MAFK: variants seen among roughly 807,000 people sequenced by gnomAD.
MAFK encodes the protein transcription factor MafK.
A neutral mutation model predicts 9.2 loss-of-function variants in MAFK; 1 was observed. The observed-to-expected ratio is 0.11, with a 90% CI of 0.04 to 0.52. MAFK has a LOEUF of 0.52. MAFK is among the 20% of genes least tolerant of loss of function. MAFK has a pLI of 0.94. For missense variants in MAFK, 207 were observed against 236.0 expected (o/e 0.88, Z 0.81); for synonymous variants, 110 against 107.4 (o/e 1.02, Z -0.15).
chr7:1,540,608 C>G lies in MAFK; in HGVS notation c.*233C>G. On this transcript the variant is annotated 3_prime_UTR_variant, in exon 3 of 3. Coordinates refer to ENST00000343242, the MANE Select transcript of MAFK (RefSeq NM_002360.4). ...GACACACTCACGCCCGCCACCTGCT[C>G]CCCGCAGGATGTGTCTGTGTGTGGG... The G allele has an allele frequency of 1.9e-6, 1 of 536,764 alleles. No homozygotes were observed. Among genetic ancestry groups the G allele is most frequent in the South Asian group, 2.4e-5 (1 of 42,108 alleles). 33.3% of individuals were successfully genotyped at this position (536,764 alleles called of 1,614,324 possible). A position where few individuals can be genotyped will look rare whatever the true frequency, so the allele number is the denominator to read the frequency against.
At chr7:1,535,561 A>G in intron 1 of MAFK, among the ~76,000 whole-genome samples, 1 of 152,240 alleles carries the variant, frequency 6.6e-6, no homozygotes, top group Non-Finnish European at 1.5e-5. Flanking sequence ...AGGCTGAGGC[A>G]GGAGGATCGC....
chr7:1,535,677 G>C (rs1304559046), intron 1 of MAFK, among the ~76,000 whole-genome samples: 2 of 152,202 alleles, frequency 1.3e-5, no homozygotes, highest in African/African-American at 4.8e-5. Context: ...GGGAAAACAT[G>C]ATCCTCCAGA....
intron 1 of MAFK, 61 bp from the exon 2 acceptor site, chr7:1,539,088 C>T: frequency 3.7e-6 from 5 of 1,354,484 alleles, no homozygotes; most frequent in Admixed American, 1.8e-5. Flanking sequence ...GAGGTGGGCA[C>T]CCTGTCCGGC....
At chr7:1,539,818 C>T (rs1023110176) in intron 2 of MAFK, 123 bp from the exon 3 acceptor site, 41 of 856,910 alleles carry the variant, frequency 4.8e-5, no homozygotes, top group African/African-American at 1.0e-4. Context: ...GTGCGGATGG[C>T]GAAGGCCAGC....
intron 1 of MAFK, chr7:1,538,249 A>T: frequency 1.0e-6 from 1 of 985,056 alleles, no homozygotes; most frequent in Non-Finnish European, 1.2e-6. Flanking sequence ...TGCAGACGTG[A>T]GGACGGCGGG....
chr7:1,542,689 A>G lies in MAFK; in HGVS notation c.*2314A>G, dbSNP rs1205200169. 1 of 152,434 alleles carries G rather than the reference A, an allele frequency of 6.6e-6. No individual in the cohort carries two copies. The highest frequency in any genetic ancestry group is 1.5e-5 in the Non-Finnish European group (1 of 68,034). The allele number at this position is 152,434 out of a possible 1,614,324, so 9.4% of individuals were successfully genotyped here. On this transcript the variant is annotated 3_prime_UTR_variant, in exon 3 of 3. Transcript: ENST00000343242. ...ATATATGGATTTTTTTATTTAAGAA[A>G]AAGACGAGGGACTCTTTGTCACGTG...
chr7:1,537,408 G>T (rs953741709), intron 1 of MAFK: 2 of 985,388 alleles, frequency 2.0e-6, no homozygotes, highest in African/African-American at 1.7e-5. Flanking sequence ...TGACGTGCTC[G>T]CAGTGGAGCT....
chr7:1,540,259 C>T lies in MAFK; in HGVS notation c.355C>T (p.Arg119Cys), dbSNP rs368832193. ...GTACGAGGCGCTGCAGACCTTCGCG[C>T]GCACCGTGGCCCGGGGACCTGTGGC... ...SKYEALQTFA[R>C]TVARGPVAPS... Residue 119 changes from arginine (R) to cysteine (C), a missense_variant, in exon 3 of 3, where the codon CGC becomes TGC. Arg to Cys is a radical substitution (Grantham distance 180). Coordinates refer to ENST00000343242, the MANE Select transcript of MAFK (RefSeq NM_002360.4). The T allele has an allele frequency of 6.8e-6, 11 of 1,610,424 alleles. No individual in the cohort carries two copies. Among genetic ancestry groups the T allele is most frequent in the African/African-American group, 5.3e-5 (4 of 74,838 alleles).
chr7:1,537,457 A>T (rs1401864544), intron 1 of MAFK: 9 of 985,548 alleles, frequency 9.1e-6, no homozygotes, highest in Non-Finnish European at 1.1e-5. Flanking sequence ...GACATGGAAA[A>T]GTTTCTCATG....
chr7:1,536,239 A>G (rs1784025962), intron 1 of MAFK, among the ~76,000 whole-genome samples: 1 of 152,006 alleles, frequency 6.6e-6, no homozygotes, highest in South Asian at 2.1e-4. Flanking sequence ...TGAACACTGC[A>G]CTTCTCTGGT....
At position 1,531,281 on chromosome 7, in the gene MAFK, C is replaced by G. The variant is rs991284216; in HGVS notation, c.-45+383C>G. ...GCGGGGGGCGGGGCGGGGCGGGCGC[C>G]ACGTGCGGGCGGTGCGGGGAGGGCG... is the stretch of plus-strand genomic sequence containing the variant. On this transcript the variant is annotated intron_variant, in intron 1 of 2. Coordinates refer to ENST00000343242, the MANE Select transcript of MAFK (RefSeq NM_002360.4). Among the ~76,000 whole-genome samples the G allele has an allele frequency of 2.1e-4, 31 of 150,550 alleles. No homozygotes were observed. The South Asian group carries it at 2.5e-3, about 12-fold the overall frequency.
Position 1,542,364 on chromosome 7 carries a change from G to A in MAFK, c.*1989G>A, listed in dbSNP as rs2128553195. ...GGCACAGGTGGGAGTTGGGAGCAAA[G>A]CGGAGGCCCGGGCTGCCCGCCGTCC... On this transcript the variant is annotated 3_prime_UTR_variant, in exon 3 of 3. Transcript: ENST00000343242. 1 of 152,712 alleles carries A rather than the reference G, an allele frequency of 6.5e-6. No homozygotes were observed. The highest frequency in any genetic ancestry group is 3.4e-3 in the Middle Eastern group (1 of 294). 9.5% of individuals were successfully genotyped at this position (152,712 alleles called of 1,614,324 possible).
At position 1,541,415 on chromosome 7, in the gene MAFK, T is replaced by C. The variant is rs1784185157; in HGVS notation, c.*1040T>C. 1 of 153,188 alleles carries C rather than the reference T, an allele frequency of 6.5e-6. No individual in the cohort carries two copies. Among genetic ancestry groups the C allele is most frequent in the Admixed American group, 6.6e-5 (1 of 15,234 alleles). The allele number at this position is 153,188 out of a possible 1,614,324, so 9.5% of individuals were successfully genotyped here. A position where few individuals can be genotyped will look rare whatever the true frequency, so the allele number is the denominator to read the frequency against. On this transcript the variant is annotated 3_prime_UTR_variant, in exon 3 of 3. Transcript: ENST00000343242. ...GGGAGAGGGGGTGCAGCCTGGGGGA[T>C]GTTGGTGGACATGGATGTGGAGGTG...
At chr7:1,533,727 G>A (rs865842122) in intron 1 of MAFK, among the ~76,000 whole-genome samples, 12 of 152,010 alleles carry the variant, frequency 7.9e-5, no homozygotes, top group Admixed American at 7.2e-4. Flanking sequence ...GATCAAGCCT[G>A]GTTGGCGCGT....
chr7:1,540,588 ACT>A lies in MAFK; in HGVS notation c.*215_*216del, dbSNP rs1478579912. On this transcript the variant is annotated 3_prime_UTR_variant, in exon 3 of 3. Coordinates refer to ENST00000343242, the MANE Select transcript of MAFK (RefSeq NM_002360.4). Reference sequence around the variant, plus strand: ...GAGCTGCACGCCGGTCCACAGACACACTCACGCCCGCCACCTGCTCCCCGCAG... The same window carrying A: ...GAGCTGCACGCCGGTCCACAGACACACACGCCCGCCACCTGCTCCCCGCAG... 1.8e-6 allele frequency: 1 copy of A among 552,622 alleles called. No homozygotes were observed. The highest frequency in any genetic ancestry group is 2.0e-5 in the African/African-American group (1 of 50,778). The allele number at this position is 552,622 out of a possible 1,614,324, so 34.2% of individuals were successfully genotyped here.
intron 1 of MAFK, among the ~76,000 whole-genome samples, chr7:1,531,165 C>T (rs1388302661): frequency 6.7e-6 from 1 of 149,168 alleles, no homozygotes; most frequent in African/African-American, 2.4e-5. Context: ...ATGCTTGCCG[C>T]GCCGGGGGCC....
In MAFK at chr7:1,534,809, A is replaced by T; in HGVS notation, c.-45+3911A>T. ...TCATCTGGGAAGAATCAGAGCCCCAAAGCTGAAATCCCCGTTTCTCTATGG... is the reference window on the plus strand; with the variant it reads ...TCATCTGGGAAGAATCAGAGCCCCATAGCTGAAATCCCCGTTTCTCTATGG... On this transcript the variant is annotated intron_variant, in intron 1 of 2. Transcript: ENST00000343242. The surrounding 1 kb of genome is among the most constrained non-coding windows in gnomAD (Gnocchi z 4.3). 2.8e-6 allele frequency: 1 copy of T among 357,064 alleles called. No homozygotes were observed. Among genetic ancestry groups the T allele is most frequent in the South Asian group, 2.0e-5 (1 of 49,220 alleles). The allele number at this position is 357,064 out of a possible 1,614,324, so 22.1% of individuals were successfully genotyped here.
At position 1,534,684 on chromosome 7, in the gene MAFK, G is replaced by A. The variant is rs985522459; in HGVS notation, c.-45+3786G>A. 2.2e-6 allele frequency: 1 copy of A among 455,438 alleles called. No individual in the cohort carries two copies. The highest frequency in any genetic ancestry group is 2.0e-5 in the African/African-American group (1 of 50,054). 28.2% of individuals were successfully genotyped at this position (455,438 alleles called of 1,614,324 possible). Reference sequence around the variant, plus strand: ...CTGGGCAGCTGAGGGGGTGGGGCATGGAGTCTGTGTCATCATTCACCCCTT... The same window carrying A: ...CTGGGCAGCTGAGGGGGTGGGGCATAGAGTCTGTGTCATCATTCACCCCTT... On this transcript the variant is annotated intron_variant, in intron 1 of 2. Transcript: ENST00000343242. The surrounding 1 kb of genome is among the most constrained non-coding windows in gnomAD (Gnocchi z 4.3).
Position 1,532,546 on chromosome 7 carries a change from C to T in MAFK, c.-45+1648C>T, listed in dbSNP as rs950991861. The stretch of plus-strand genomic sequence containing the variant: ...CCAGGGCTTTGAGGGGCTGGTTGCC[C>T]GCAGCGTCGACTCCCCAGGTGCTGG... On this transcript the variant is annotated intron_variant, in intron 1 of 2. Coordinates refer to ENST00000343242, the MANE Select transcript of MAFK (RefSeq NM_002360.4). This position sits in a 1 kb window ranked among gnomAD's most constrained non-coding sequence, Gnocchi z 4.5. Among the ~76,000 whole-genome samples, 5 of 152,152 alleles carry T rather than the reference C, an allele frequency of 3.3e-5. No homozygotes were observed. The highest frequency in any genetic ancestry group is 4.4e-5 in the Non-Finnish European group (3 of 68,020).
Sources: allele counts gnomAD v4.1 joint callset (sites outside exome capture counted in the v4.1 genomes callset), GRCh38; gene constraint gnomAD v4.1.1; non-coding constraint Gnocchi (gnomAD v3.1); transcripts MANE v1.5; gene names NCBI Gene and HGNC (gene_info 2026-07-23, HGNC 2026-07-21).